ERC2: variants seen among roughly 807,000 people sequenced by gnomAD.
ERC2 encodes the protein ERC protein 2.
A neutral mutation model predicts 114.8 loss-of-function variants in ERC2; 42 were observed. The ratio of observed to expected loss-of-function variants is 0.37; its 90% confidence interval spans 0.29 to 0.47. ERC2 has a LOEUF of 0.47. Among genes scored for constraint, ERC2 ranks in the 20% least tolerant of loss-of-function variants. ERC2 has a pLI of 0.99. For missense variants in ERC2, 939 were observed against 1,150.7 expected (o/e 0.82, Z 2.66); for synonymous variants, 454 against 425.5 (o/e 1.07, Z -0.82).
intron 17 of ERC2, among the ~76,000 whole-genome samples, chr3:55,652,931 C>T (rs941191574): frequency 3.3e-5 from 5 of 149,380 alleles, no homozygotes; most frequent in African/African-American, 5.0e-5. Flanking sequence ...AACTGAGGCA[C>T]AGACAGTTGA....
chr3:56,203,525 C>T (rs1214188021), intron 3 of ERC2, among the ~76,000 whole-genome samples: 1 of 152,162 alleles, frequency 6.6e-6, no homozygotes, highest in South Asian at 2.1e-4. Flanking sequence ...CAAACGTTTT[C>T]TACATGACTT....
intron 13 of ERC2, among the ~76,000 whole-genome samples, chr3:55,936,563 C>T (rs1045916457): frequency 1.3e-5 from 2 of 152,120 alleles, no homozygotes; most frequent in African/African-American, 2.4e-5. Context: ...TCTGAGAAAA[C>T]GACATGGCAG....
intron 2 of ERC2, among the ~76,000 whole-genome samples, chr3:56,372,937 G>T (rs1048724007): frequency 6.6e-6 from 1 of 152,086 alleles, no homozygotes; most frequent in Non-Finnish European, 1.5e-5. Flanking sequence ...ATACAAGAAA[G>T]AAGAAATGTA....
chr3:56,463,205 G>A (rs1465157991), intron 1 of ERC2, among the ~76,000 whole-genome samples: 1 of 152,096 alleles, frequency 6.6e-6, no homozygotes, highest in African/African-American at 2.4e-5. Context: ...CTCCAGCCTG[G>A]GTGACAGAGT....
chr3:55,832,857 T>C, intron 14 of ERC2, among the ~76,000 whole-genome samples: 1 of 152,106 alleles, frequency 6.6e-6, no homozygotes, highest in Admixed American at 6.5e-5. Flanking sequence ...TTAAAAACTT[T>C]GAAAACAATT....
intron 2 of ERC2, among the ~76,000 whole-genome samples, chr3:56,379,517 T>A (rs1018314123): frequency 6.6e-6 from 1 of 152,168 alleles, no homozygotes; most frequent in Non-Finnish European, 1.5e-5. Context: ...TTACTTATGA[T>A]GAAACTGAGG....
chr3:56,112,920 C>T (rs1180010837), intron 6 of ERC2, among the ~76,000 whole-genome samples: 2 of 151,970 alleles, frequency 1.3e-5, no homozygotes, highest in Non-Finnish European at 2.9e-5. Flanking sequence ...TATTAGCTAC[C>T]TAGGCAGAAA....
intron 13 of ERC2, among the ~76,000 whole-genome samples, chr3:55,908,101 T>C (rs2064572016): frequency 6.6e-6 from 1 of 152,184 alleles, no homozygotes; most frequent in African/African-American, 2.4e-5. Flanking sequence ...GGCCTGATGC[T>C]GGCCAGGAAG....
chr3:55,806,328 C>CAAAA (rs58267124), intron 14 of ERC2, among the ~76,000 whole-genome samples: 1 of 111,232 alleles, frequency 9.0e-6, no homozygotes, highest in African/African-American at 3.0e-5. Context: ...AACTCCTTCT[C>CAAAA]AAAAAAAAAA....
intron 14 of ERC2, among the ~76,000 whole-genome samples, chr3:55,795,032 C>A (rs4459870): frequency 6.6e-6 from 1 of 152,002 alleles, no homozygotes; most frequent in African/African-American, 2.4e-5. Flanking sequence ...GAGCCTGTTA[C>A]ATTAGCCAGC....
intron 1 of ERC2, among the ~76,000 whole-genome samples, chr3:56,436,011 G>A (rs1281105693): frequency 2.0e-5 from 3 of 152,178 alleles, no homozygotes; most frequent in African/African-American, 7.2e-5. Context: ...GGTTACTGAA[G>A]TATACTAGTG....
At chr3:55,633,064 G>A (rs921872537) in intron 17 of ERC2, among the ~76,000 whole-genome samples, 3 of 152,156 alleles carry the variant, frequency 2.0e-5, no homozygotes, top group African/African-American at 7.2e-5. Flanking sequence ...ATAGGGAAGT[G>A]CACACATGAG....
intron 12 of ERC2, 119 bp from the exon 13 acceptor site, chr3:55,950,679 A>C (rs762358926): frequency 5.4e-5 from 57 of 1,051,132 alleles, no homozygotes; most frequent in Non-Finnish European, 6.8e-5. Context: ...GAAAAAGATG[A>C]TACTTCTGAA....
In ERC2 at chr3:55,942,301, T is replaced by TTTG. The variant is rs1196912284; in HGVS notation, c.2403+8121_2403+8123dup. On this transcript the variant is annotated intron_variant, in intron 13 of 17. Transcript: ENST00000288221. ...TTTTTTTTTTTTTTTTTTTTTTTTT[T>TTTG]TTGTTGAGACGGAGTCTCGCTCTGT... Among the ~76,000 whole-genome samples the TTTG allele has an allele frequency of 4.3e-4, 52 of 120,840 alleles. 2 individuals are homozygous for TTTG. Among genetic ancestry groups the TTTG allele is most frequent in the African/African-American group, 1.7e-3 (49 of 29,542 alleles). The allele number at this position is 120,840 out of a possible 152,430, so 79.3% of individuals were successfully genotyped here.
At chr3:55,649,932 G>C (rs1472642440) in intron 17 of ERC2, among the ~76,000 whole-genome samples, 10 of 152,210 alleles carry the variant, frequency 6.6e-5, no homozygotes, top group Non-Finnish European at 1.0e-4. Context: ...AAGACATGCA[G>C]GTGGGCCAGG....
chr3:56,144,769 C>T (rs914593790), intron 5 of ERC2, among the ~76,000 whole-genome samples: 11 of 152,182 alleles, frequency 7.2e-5, no homozygotes, highest in African/African-American at 2.6e-4. Flanking sequence ...GGCATTGCTG[C>T]CATAAGGTAA....
At chr3:55,992,725 TAA>T (rs2071178968) in intron 10 of ERC2, among the ~76,000 whole-genome samples, 1 of 152,168 alleles carries the variant, frequency 6.6e-6, no homozygotes, top group Non-Finnish European at 1.5e-5. Context: ...AGATAACATA[TAA>T]GAGACTGATT....
intron 2 of ERC2, among the ~76,000 whole-genome samples, chr3:56,318,319 G>C (rs1004240116): frequency 9.9e-5 from 15 of 152,026 alleles, no homozygotes; most frequent in African/African-American, 3.4e-4. Context: ...GGGACTACAG[G>C]CATGTGCCAC....
At chr3:56,066,808 C>A (rs2076503614) in intron 7 of ERC2, among the ~76,000 whole-genome samples, 1 of 152,162 alleles carries the variant, frequency 6.6e-6, no homozygotes, top group Non-Finnish European at 1.5e-5. Context: ...AATAAGGAAT[C>A]TTTTCCCCAT....
Sources: gnomAD v4.1 joint callset for allele counts (sites outside exome capture counted in the v4.1 genomes callset) on GRCh38, gnomAD v4.1.1 for gene constraint, MANE v1.5 for transcripts, NCBI Gene and HGNC (gene_info 2026-07-23, HGNC 2026-07-21) for gene names.